UGT1A8: variants seen among roughly 807,000 people sequenced by gnomAD.
UGT1A8 encodes the protein UDP-glucuronosyltransferase 1A8.
In UGT1A8, 39 loss-of-function variants were observed where a neutral mutation model predicts 45.3. That is an observed-to-expected ratio of 0.86 (90% CI 0.67 to 1.12). UGT1A8 has a LOEUF of 1.12. Among genes scored for constraint, UGT1A8 ranks in the 50% most tolerant of loss-of-function variants. UGT1A8 has a pLI of 0.00. For missense variants in UGT1A8, 719 were observed against 664.9 expected (o/e 1.08, Z -0.90); for synonymous variants, 275 against 249.2 (o/e 1.10, Z -0.97).
chr2:233,732,720 A>G lies in UGT1A8; in HGVS notation c.856-34314A>G, dbSNP rs554458452. On this transcript the variant is annotated intron_variant, in intron 1 of 4. Transcript: ENST00000373450. ...TTTTGTTACTGTAGCCTTGTAGTAC[A>G]GTTTGAAGTCAGGTAGCATGATGCC... Among the ~76,000 whole-genome samples, 386 of 148,730 alleles carry G rather than the reference A, an allele frequency of 2.6e-3. 1 individual carries two copies. The highest frequency in any genetic ancestry group is 3.9e-3 in the Non-Finnish European group (263 of 67,550).
At chr2:233,770,116 A>G (rs557135570) in intron 4 of UGT1A8, 1 of 152,452 alleles carries the variant, frequency 6.6e-6, no homozygotes, top group Admixed American at 6.5e-5. Flanking sequence ...CCTAAGAACA[A>G]CTTGGTGAAA....
chr2:233,671,982 G>A (rs2074205125), intron 1 of UGT1A8: 1 of 1,614,058 alleles, frequency 6.2e-7, no homozygotes, highest in South Asian at 1.1e-5. Context: ...GTGTGTGTCT[G>A]CTGCTGACCT....
intron 1 of UGT1A8, chr2:233,713,996 A>C: frequency 6.4e-7 from 1 of 1,559,392 alleles, no homozygotes; most frequent in Non-Finnish European, 8.7e-7. Flanking sequence ...AATAGTCTTC[A>C]GTGAGATAAA....
chr2:233,640,350 G>A (rs997521937), intron 1 of UGT1A8, among the ~76,000 whole-genome samples: 2 of 151,850 alleles, frequency 1.3e-5, no homozygotes, highest in African/African-American at 2.4e-5. Context: ...CATTTTTTTA[G>A]TGGAAATTCT....
intron 1 of UGT1A8, among the ~76,000 whole-genome samples, chr2:233,748,516 C>G (rs60390282): frequency 6.6e-6 from 1 of 151,670 alleles, no homozygotes; most frequent in Non-Finnish European, 1.5e-5. Flanking sequence ...TCCTGTCTTG[C>G]GAATGATAGA....
rs985684086 is a variant in UGT1A8 at position 233,766,924 on chromosome 2, A to C, written c.856-110A>C. 8.4e-5 allele frequency: 132 copies of C among 1,565,450 alleles called. 1 individual carries two copies. In the Middle Eastern group the frequency reaches 1.0e-3, roughly 12 times the overall value. ...ATTTTTTACTCTATCTCAAACACGCATGCCTTTAATCATAGTCTTAAGAGG... is the reference window on the plus strand; with the variant it reads ...ATTTTTTACTCTATCTCAAACACGCCTGCCTTTAATCATAGTCTTAAGAGG... On this transcript the variant is annotated intron_variant, in intron 1 of 4. Coordinates refer to ENST00000373450, the MANE Select transcript of UGT1A8 (RefSeq NM_019076.5).
In UGT1A8 at chr2:233,772,906, C is replaced by G; in HGVS notation, c.*347C>G. ...TTCAAAGGTGGTCCCACGGCTGCCCCTACTGCAAATGGCAGTTTTAATCTT... is the reference window on the plus strand; with the variant it reads ...TTCAAAGGTGGTCCCACGGCTGCCCGTACTGCAAATGGCAGTTTTAATCTT... On this transcript the variant is annotated 3_prime_UTR_variant, in exon 5 of 5. Coordinates refer to ENST00000373450, the MANE Select transcript of UGT1A8 (RefSeq NM_019076.5). 1 of 412,406 alleles carries G rather than the reference C, an allele frequency of 2.4e-6. No homozygotes were observed. The highest frequency in any genetic ancestry group is 2.8e-5 in the South Asian group (1 of 36,156). The allele number at this position is 412,406 out of a possible 1,614,324, so 25.5% of individuals were successfully genotyped here. A position where few individuals can be genotyped will look rare whatever the true frequency, so the allele number is the denominator to read the frequency against.
At chr2:233,685,871 C>A (rs1042918991) in intron 1 of UGT1A8, among the ~76,000 whole-genome samples, 9 of 152,122 alleles carry the variant, frequency 5.9e-5, no homozygotes, top group African/African-American at 1.7e-4. Flanking sequence ...ATACCTAAGA[C>A]AATCAATAAT....
chr2:233,692,737 G>A lies in UGT1A8; in HGVS notation c.855+74175G>A. ...AAGTGTTGCTATAACTTTTCAGAGA[G>A]GGAGAAGCAGACTTGTGGAGCTGAA... On this transcript the variant is annotated intron_variant, in intron 1 of 4. Transcript: ENST00000373450. 5 of 991,482 alleles carry A rather than the reference G, an allele frequency of 5.0e-6. No individual in the cohort carries two copies. In the South Asian group the frequency reaches 5.7e-5, roughly 11 times the overall value. 61.4% of individuals were successfully genotyped at this position (991,482 alleles called of 1,614,324 possible).
intron 1 of UGT1A8, among the ~76,000 whole-genome samples, chr2:233,683,446 T>A (rs1396972347): frequency 6.6e-6 from 1 of 152,140 alleles, no homozygotes; most frequent in Non-Finnish European, 1.5e-5. Context: ...AGAATTCTTG[T>A]ATACTTTCTT....
intron 1 of UGT1A8, among the ~76,000 whole-genome samples, chr2:233,703,067 G>A (rs28899181): frequency 1.3e-5 from 2 of 152,224 alleles, no homozygotes; most frequent in African/African-American, 4.8e-5. Flanking sequence ...TAGTGAAGCT[G>A]TCTGGGCCTA....
At position 233,725,264 on chromosome 2, in the gene UGT1A8, G is replaced by GGCAGAGGCA. The variant is rs1216362118; in HGVS notation, c.856-41769_856-41768insCAGAGGCAG. The stretch of plus-strand genomic sequence containing the variant: ...CAGAGGCAGAGGAGGCAGAGGCAGA[G>GGCAGAGGCA]GAGGCAGAGGCAGAGGCAGAGGCAG... On this transcript the variant is annotated intron_variant, in intron 1 of 4. Transcript: ENST00000373450. Among the ~76,000 whole-genome samples, 37 of 58,530 alleles carry GGCAGAGGCA rather than the reference G, an allele frequency of 6.3e-4. 2 individuals are homozygous for GGCAGAGGCA. Among genetic ancestry groups the GGCAGAGGCA allele is most frequent in the African/African-American group, 3.7e-3 (28 of 7,620 alleles). The allele number at this position is 58,530 out of a possible 152,430, so 38.4% of individuals were successfully genotyped here. A position where few individuals can be genotyped will look rare whatever the true frequency, so the allele number is the denominator to read the frequency against.
intron 1 of UGT1A8, among the ~76,000 whole-genome samples, chr2:233,744,814 C>G (rs571865422): frequency 1.3e-5 from 2 of 151,886 alleles, no homozygotes; most frequent in Non-Finnish European, 2.9e-5. Flanking sequence ...GATTTCCTGG[C>G]TCATACTTTG....
chr2:233,704,283 A>C (rs1425877404), intron 1 of UGT1A8, among the ~76,000 whole-genome samples: 1 of 126,250 alleles, frequency 7.9e-6, no homozygotes, highest in African/African-American at 3.3e-5. Context: ...CATTGAGTGA[A>C]TATTTTCTAG....
chr2:233,694,661 G>T (rs1365706978), intron 1 of UGT1A8, among the ~76,000 whole-genome samples: 2 of 152,122 alleles, frequency 1.3e-5, no homozygotes, highest in African/African-American at 4.8e-5. Context: ...TTTTATCAGA[G>T]AGAAAGCCTC....
chr2:233,743,205 G>A (rs1013981609), intron 1 of UGT1A8: 19 of 391,306 alleles, frequency 4.9e-5, no homozygotes, highest in South Asian at 9.4e-5. Flanking sequence ...GTGTCAATGC[G>A]GAGTAACTGC....
At chr2:233,646,920 T>C (rs758452630) in intron 1 of UGT1A8, among the ~76,000 whole-genome samples, 4 of 152,218 alleles carry the variant, frequency 2.6e-5, no homozygotes, top group African/African-American at 9.6e-5. Context: ...TAGTCTGTTT[T>C]CATGCTGCTG....
intron 1 of UGT1A8, among the ~76,000 whole-genome samples, chr2:233,674,694 T>C (rs2074293293): frequency 6.6e-6 from 1 of 152,212 alleles, no homozygotes. Flanking sequence ...TATTAAAGAA[T>C]ATGGATGTAT....
intron 1 of UGT1A8, among the ~76,000 whole-genome samples, chr2:233,683,009 A>C (rs950261288): frequency 6.6e-6 from 1 of 152,212 alleles, no homozygotes; most frequent in Non-Finnish European, 1.5e-5. Context: ...ATAATTGTAG[A>C]TCATATCTAG....
Sources: gnomAD v4.1 joint callset for allele counts (sites outside exome capture counted in the v4.1 genomes callset) on GRCh38, gnomAD v4.1.1 for gene constraint, MANE v1.5 for transcripts, NCBI Gene and HGNC (gene_info 2026-07-23, HGNC 2026-07-21) for gene names.